The following EFCAB13 variants were observed in gnomAD, a reference collection of about 807,000 sequenced individuals.
EFCAB13 encodes EF-hand calcium-binding domain-containing protein 13.
EFCAB13 carries 91 observed loss-of-function variants against 110.2 expected under a neutral mutation model. That is an observed-to-expected ratio of 0.83 (90% CI 0.70 to 0.98). The LOEUF is 0.98. Ranked by LOEUF, EFCAB13 falls within the 50% of genes least tolerant of loss-of-function variation. The probability of loss-of-function intolerance (pLI) is 0.00; values close to 1 mark genes in which losing one functional copy is unlikely to be tolerated. For synonymous variants in EFCAB13, 323 were observed against 369.9 expected (o/e 0.87, Z 1.45); for missense variants, 968 against 1,119.4 (o/e 0.86, Z 1.93).
intron 23 of EFCAB13, among the ~76,000 whole-genome samples, chr17:47,420,105 A>G (rs1322373947): frequency 2.0e-5 from 3 of 151,980 alleles, no homozygotes; most frequent in Non-Finnish European, 4.4e-5. Context: ...ACGCCGCCAC[A>G]CCTGACTGGT....
intron 9 of EFCAB13, among the ~76,000 whole-genome samples, chr17:47,349,480 A>G (rs539363982): frequency 3.7e-4 from 56 of 152,264 alleles, no homozygotes; most frequent in Non-Finnish European, 7.1e-4. Context: ...CTGCTGGAAC[A>G]CTATTTACTA....
chr17:47,377,513 A>G, intron 12 of EFCAB13: 1 of 220,498 alleles, frequency 4.5e-6, no homozygotes, highest in Non-Finnish European at 8.8e-6. Flanking sequence ...GGCCACTGGA[A>G]CAGGCTGTTC....
At chr17:47,327,228 T>C (rs1399346197) in intron 3 of EFCAB13, among the ~76,000 whole-genome samples, 1 of 151,864 alleles carries the variant, frequency 6.6e-6, no homozygotes, top group Non-Finnish European at 1.5e-5. Context: ...TGCAGTGGCG[T>C]GGTCTTGGCC....
At chr17:47,437,944 C>G (rs1458409344) in intron 24 of EFCAB13, among the ~76,000 whole-genome samples, 1 of 152,100 alleles carries the variant, frequency 6.6e-6, no homozygotes, top group African/African-American at 2.4e-5. Context: ...AGATTTAGAG[C>G]TCCTTTTAGC....
intron 20 of EFCAB13, among the ~76,000 whole-genome samples, chr17:47,407,666 C>G (rs2065812275): frequency 2.0e-5 from 3 of 152,184 alleles, no homozygotes; most frequent in African/African-American, 7.2e-5. Flanking sequence ...TAATGGATGA[C>G]TCCTTTGTTG....
chr17:47,347,814 A>G lies in EFCAB13; in HGVS notation c.524A>G (p.His175Arg), dbSNP rs150498027. The stretch of plus-strand genomic sequence containing the variant: ...TTTTGTTATGTGTGTGCAGCACTTC[A>G]TAAAGCCTGTAAAATTTTTAGTAAA... ...YLHSKELSALHKACKIFSKIR... is the reference protein window; with the variant it reads ...YLHSKELSALRKACKIFSKIR... Residue 175 changes from histidine to arginine, a missense_variant, in exon 9 of 25, where the codon CAT (histidine) becomes CGT (arginine). Coordinates refer to ENST00000331493, the MANE Select transcript of EFCAB13 (RefSeq NM_152347.5). The G allele has an allele frequency of 1.6e-4, 236 of 1,496,962 alleles. No individual in the cohort carries two copies. Among genetic ancestry groups the G allele is most frequent in the Non-Finnish European group, 2.0e-4 (218 of 1,106,848 alleles). 92.7% of individuals were successfully genotyped at this position (1,496,962 alleles called of 1,614,324 possible). A position where few individuals can be genotyped will look rare whatever the true frequency, so the allele number is the denominator to read the frequency against.
chr17:47,430,948 G>A (rs72829642), intron 24 of EFCAB13, among the ~76,000 whole-genome samples: 12,745 of 151,922 alleles, frequency 0.084, 703 homozygotes, highest in East Asian at 0.29. Flanking sequence ...ACTATATGCT[G>A]ACTTATTACA....
At chr17:47,345,369 C>T (rs147152876) in intron 8 of EFCAB13, among the ~76,000 whole-genome samples, 1 of 152,254 alleles carries the variant, frequency 6.6e-6, no homozygotes, top group East Asian at 1.9e-4. Flanking sequence ...CTGCATATTA[C>T]ATCCCATGGA....
chr17:47,338,708 C>T (rs1054065993), intron 5 of EFCAB13, among the ~76,000 whole-genome samples: 8 of 151,954 alleles, frequency 5.3e-5, no homozygotes, highest in African/African-American at 1.9e-4. Flanking sequence ...GACTGTGGGT[C>T]ATAGGCAAAA....
intron 3 of EFCAB13, among the ~76,000 whole-genome samples, chr17:47,327,471 T>A (rs1015441136): frequency 3.3e-5 from 5 of 151,650 alleles, no homozygotes; most frequent in African/African-American, 9.7e-5. Flanking sequence ...CCTTTTTTTT[T>A]ATTTTTGAGA....
intron 12 of EFCAB13, among the ~76,000 whole-genome samples, chr17:47,377,186 A>AACAC (rs540136692): frequency 6.6e-6 from 1 of 151,306 alleles, no homozygotes; most frequent in Non-Finnish European, 1.5e-5. Context: ...TACACATACA[A>AACAC]ACACACACAC....
chr17:47,425,028 G>T (rs1363093901), intron 23 of EFCAB13, among the ~76,000 whole-genome samples: 5 of 147,622 alleles, frequency 3.4e-5, no homozygotes, highest in Non-Finnish European at 7.5e-5. Flanking sequence ...GACTACAGGC[G>T]CCCGCTACCA....
chr17:47,431,344 T>C lies in EFCAB13; in HGVS notation c.2638+1383T>C, dbSNP rs1225347922. Among the ~76,000 whole-genome samples, 1 of 151,908 alleles carries C rather than the reference T, an allele frequency of 6.6e-6. No individual in the cohort carries two copies. The highest frequency in any genetic ancestry group is 6.6e-5 in the Admixed American group (1 of 15,228). ...AGTCAGCTTCCCTAGGGTGAATATATCCCAATTTCTAGTGATGAATATTTA... is the reference window on the plus strand; with the variant it reads ...AGTCAGCTTCCCTAGGGTGAATATACCCCAATTTCTAGTGATGAATATTTA... On this transcript the variant is annotated intron_variant, in intron 24 of 24. Transcript: ENST00000331493. The surrounding 1 kb of genome is among the most constrained non-coding windows in gnomAD (Gnocchi z 4.1).
At chr17:47,349,132 T>C (rs771696034) in intron 9 of EFCAB13, among the ~76,000 whole-genome samples, 1 of 152,204 alleles carries the variant, frequency 6.6e-6, no homozygotes, top group Admixed American at 6.5e-5. Context: ...CTTTTCAGTA[T>C]TGGAGAAAGT....
chr17:47,424,874 C>CCTTTTTTTTTTTT (rs1904879399), intron 23 of EFCAB13, among the ~76,000 whole-genome samples: 1 of 36,902 alleles, frequency 2.7e-5, no homozygotes, highest in Non-Finnish European at 5.1e-5. Context: ...GGTTGACAAT[C>CCTTTTTTTTTTTT]TTTTTTTTTT....
chr17:47,376,815 GA>G (rs1164272241), intron 12 of EFCAB13, among the ~76,000 whole-genome samples: 5 of 152,112 alleles, frequency 3.3e-5, no homozygotes, highest in African/African-American at 1.2e-4. Context: ...TTCAGTCTGG[GA>G]TGCTTCCTCA....
intron 10 of EFCAB13, among the ~76,000 whole-genome samples, chr17:47,367,763 T>G (rs530310587): frequency 5.9e-5 from 9 of 152,234 alleles, no homozygotes; most frequent in African/African-American, 2.2e-4. Flanking sequence ...CATTGAAGGA[T>G]TTAACCAGTC....
intron 20 of EFCAB13, among the ~76,000 whole-genome samples, chr17:47,408,542 A>G (rs558798112): frequency 2.6e-5 from 4 of 152,284 alleles, no homozygotes; most frequent in African/African-American, 4.8e-5. Context: ...AGTTGCAGCT[A>G]CTTGGGAGGC....
intron 9 of EFCAB13, among the ~76,000 whole-genome samples, chr17:47,357,231 T>C (rs943402507): frequency 2.6e-5 from 4 of 152,186 alleles, no homozygotes; most frequent in Non-Finnish European, 5.9e-5. Flanking sequence ...TCCATCTCCT[T>C]GAAGGGGTCT....
Sources: gnomAD v4.1 joint callset for allele counts (sites outside exome capture counted in the v4.1 genomes callset) on GRCh38, gnomAD v4.1.1 for gene constraint, Gnocchi (gnomAD v3.1) non-coding constraint, MANE v1.5 for transcripts, NCBI Gene and HGNC (gene_info 2026-07-23, HGNC 2026-07-21) for gene names.